ADAM18: variants seen among roughly 807,000 people sequenced by gnomAD.
ADAM18 encodes ADAM metallopeptidase domain 18, also known as disintegrin and metalloproteinase domain-containing protein 18.
In ADAM18, 117 loss-of-function variants were observed where a neutral mutation model predicts 94.4. That is an observed-to-expected ratio of 1.24 (90% CI 1.07 to 1.45). ADAM18 has a LOEUF of 1.45. Ranked by LOEUF, ADAM18 falls within the 40% of genes most tolerant of loss-of-function variation. The pLI is 0.00. For missense variants in ADAM18, 936 were observed against 880.0 expected (o/e 1.06, Z -0.81); for synonymous variants, 327 against 291.6 (o/e 1.12, Z -1.24).
chr8:39,638,920 C>G (rs956038786), intron 10 of ADAM18, among the ~76,000 whole-genome samples: 1 of 151,740 alleles, frequency 6.6e-6, no homozygotes, highest in African/African-American at 2.4e-5. Flanking sequence ...TTTACACATA[C>G]TTTATGCTAT....
chr8:39,700,600 T>A (rs1822039794), intron 17 of ADAM18, among the ~76,000 whole-genome samples: 1 of 152,144 alleles, frequency 6.6e-6, no homozygotes, highest in Non-Finnish European at 1.5e-5. Flanking sequence ...TTTATTTAAC[T>A]AATTGGGACA....
At chr8:39,606,056 T>C (rs1049992220) in intron 2 of ADAM18, among the ~76,000 whole-genome samples, 8 of 152,284 alleles carry the variant, frequency 5.3e-5, no homozygotes, top group African/African-American at 1.9e-4. Flanking sequence ...TATGGCTGAG[T>C]AGTATTCCAT....
At position 39,620,380 on chromosome 8, in the gene ADAM18, A is replaced by AG. The variant is rs1475989235; in HGVS notation, c.523-8994_523-8993insG. On this transcript the variant is annotated intron_variant, in intron 6 of 19. Transcript: ENST00000265707. ...AGCAAAAAAAAAAAAAAAAACAAAA[A>AG]AAAATCACAAAACAAAACAAAGAAA... 2.7e-5 allele frequency among the ~76,000 whole-genome samples: 4 copies of AG among 148,432 alleles called. No homozygotes were observed. The South Asian group carries it at 8.4e-4, about 31-fold the overall frequency.
intron 17 of ADAM18, among the ~76,000 whole-genome samples, chr8:39,693,574 T>C (rs1027576213): frequency 6.6e-6 from 1 of 151,228 alleles, no homozygotes; most frequent in African/African-American, 2.4e-5. Context: ...GTAACTTATA[T>C]ACATTTTTAT....
chr8:39,655,978 A>G (rs1820671154), intron 12 of ADAM18, among the ~76,000 whole-genome samples: 1 of 152,094 alleles, frequency 6.6e-6, no homozygotes, highest in Non-Finnish European at 1.5e-5. Context: ...TTATGGGACT[A>G]CTTAATCAAT....
intron 17 of ADAM18, among the ~76,000 whole-genome samples, chr8:39,698,391 G>A (rs2129581032): frequency 6.6e-6 from 1 of 151,798 alleles, no homozygotes; most frequent in South Asian, 2.1e-4. Context: ...TCCTTGTAAA[G>A]TCTATATAAT....
intron 14 of ADAM18, among the ~76,000 whole-genome samples, chr8:39,670,422 TTC>T (rs1231317761): frequency 1.3e-5 from 2 of 152,192 alleles, no homozygotes. Context: ...GGCATTTTTC[TTC>T]TGTTACCAAA....
Position 39,652,695 on chromosome 8 carries a change from C to A in ADAM18, c.1230+4168C>A, listed in dbSNP as rs151129248. On this transcript the variant is annotated intron_variant, in intron 12 of 19. Coordinates refer to ENST00000265707, the MANE Select transcript of ADAM18 (RefSeq NM_014237.3). ...GATCCCATTACTGGATATATATTCACAGGAAACAATAGCAGTATGTTGAAG... is the reference window on the plus strand; with the variant it reads ...GATCCCATTACTGGATATATATTCAAAGGAAACAATAGCAGTATGTTGAAG... Among the ~76,000 whole-genome samples, 914 of 152,262 alleles carry A rather than the reference C, an allele frequency of 6.0e-3. 5 individuals carry two copies. The highest frequency in any genetic ancestry group is 0.021 in the African/African-American group (868 of 41,538).
At chr8:39,670,038 G>T (rs940461521) in intron 14 of ADAM18, among the ~76,000 whole-genome samples, 25 of 151,770 alleles carry the variant, frequency 1.6e-4, no homozygotes, top group Non-Finnish European at 2.5e-4. Context: ...CTCATTGTGG[G>T]TTTGATTTGC....
chr8:39,669,211 TA>T (rs918569386), intron 14 of ADAM18, among the ~76,000 whole-genome samples: 96 of 151,520 alleles, frequency 6.3e-4, no homozygotes, highest in Non-Finnish European at 1.1e-3. Context: ...ATTTTTTAAT[TA>T]AAAAAAACTT....
At chr8:39,725,109 A>G (rs999651263) in intron 19 of ADAM18, among the ~76,000 whole-genome samples, 1 of 151,990 alleles carries the variant, frequency 6.6e-6, no homozygotes, top group African/African-American at 2.4e-5. Flanking sequence ...GGTTGATGGT[A>G]TCGTTTAAGT....
intron 17 of ADAM18, among the ~76,000 whole-genome samples, chr8:39,706,439 C>T (rs1288884435): frequency 6.6e-6 from 1 of 151,940 alleles, no homozygotes; most frequent in Non-Finnish European, 1.5e-5. Flanking sequence ...ATAGTGACAA[C>T]GAATGTTTCC....
intron 2 of ADAM18, chr8:39,604,644 C>G (rs1002838348): frequency 6.6e-6 from 1 of 152,252 alleles, no homozygotes; most frequent in African/African-American, 2.4e-5. Flanking sequence ...TGTGCAAGTT[C>G]CTGCTTCACC....
chr8:39,620,862 A>T (rs112875699), intron 6 of ADAM18, among the ~76,000 whole-genome samples: 5 of 151,858 alleles, frequency 3.3e-5, no homozygotes, highest in African/African-American at 1.2e-4. Flanking sequence ...AGAGATTTGG[A>T]TGGGTGAGGA....
chr8:39,650,566 G>A (rs544820584), intron 12 of ADAM18, among the ~76,000 whole-genome samples: 111 of 152,154 alleles, frequency 7.3e-4, no homozygotes, highest in Admixed American at 3.7e-3. Context: ...AAATACTTGG[G>A]AATAAATTTA....
At chr8:39,715,922 G>T (rs572277260) in intron 18 of ADAM18, among the ~76,000 whole-genome samples, 3 of 152,114 alleles carry the variant, frequency 2.0e-5, no homozygotes, top group African/African-American at 7.2e-5. Flanking sequence ...AAGCAGGGGT[G>T]TGACTTCCTA....
In ADAM18 at chr8:39,659,700, A is replaced by G. The variant is rs1407380732; in HGVS notation, c.1231-4095A>G. On this transcript the variant is annotated intron_variant, in intron 12 of 19. Transcript: ENST00000265707. ...GCTATCAAACAACTAATAAATTATC[A>G]GTAATTAACAACAGTCACTAAAAAG... 2.0e-5 allele frequency among the ~76,000 whole-genome samples: 3 copies of G among 152,278 alleles called. No individual in the cohort carries two copies. The East Asian group carries it at 5.8e-4, about 29-fold the overall frequency.
At chr8:39,654,370 G>T (rs1244118164) in intron 12 of ADAM18, among the ~76,000 whole-genome samples, 1 of 151,240 alleles carries the variant, frequency 6.6e-6, no homozygotes, top group Middle Eastern at 3.4e-3. Context: ...GCACCTGGCT[G>T]ATTTCATTCT....
In ADAM18 at chr8:39,618,816, T is replaced by C. The variant is rs1373425748; in HGVS notation, c.522+8110T>C. ...TGCTTTTCTGGGATAGGAATCTTGG[T>C]GATGTGAAACCTCCCTGACTGCACG... On this transcript the variant is annotated intron_variant, in intron 6 of 19. Transcript: ENST00000265707. Among the ~76,000 whole-genome samples, 7 of 152,318 alleles carry C rather than the reference T, an allele frequency of 4.6e-5. No individual in the cohort carries two copies. The East Asian group carries it at 1.4e-3, about 29-fold the overall frequency.
Sources: gnomAD v4.1 joint callset for allele counts (sites outside exome capture counted in the v4.1 genomes callset) on GRCh38, gnomAD v4.1.1 for gene constraint, MANE v1.5 for transcripts, NCBI Gene and HGNC (gene_info 2026-07-23, HGNC 2026-07-21) for gene names.